The following SPIDR variants were observed in gnomAD, a reference collection of about 807,000 sequenced individuals.
The protein encoded by SPIDR is DNA repair-scaffolding protein.
A neutral mutation model predicts 104.6 loss-of-function variants in SPIDR; 93 were observed. The observed-to-expected ratio is 0.89, with a 90% CI of 0.75 to 1.06. The LOEUF (loss-of-function observed/expected upper bound fraction) is 1.06, where lower values mean the gene tolerates loss of function less well. Among genes scored for constraint, SPIDR ranks in the 50% least tolerant of loss-of-function variants. The probability of loss-of-function intolerance (pLI) is 0.00; values close to 1 mark genes in which losing one functional copy is unlikely to be tolerated. For missense variants in SPIDR, 1,154 were observed against 1,111.2 expected (o/e 1.04, Z -0.55); for synonymous variants, 431 against 416.9 (o/e 1.03, Z -0.41).
At chr8:47,314,167 T>C (rs2044795523) in intron 5 of SPIDR, among the ~76,000 whole-genome samples, 1 of 152,206 alleles carries the variant, frequency 6.6e-6, no homozygotes, top group African/African-American at 2.4e-5. Context: ...GTGGTCTTTA[T>C]TTTATGAAGG....
intron 8 of SPIDR, among the ~76,000 whole-genome samples, chr8:47,575,888 A>G (rs2059056335): frequency 6.6e-6 from 1 of 150,550 alleles, no homozygotes; most frequent in Non-Finnish European, 1.5e-5. Flanking sequence ...TGAACCTGGC[A>G]GGCGGAGGTT....
chr8:47,519,888 A>T, intron 8 of SPIDR, among the ~76,000 whole-genome samples: 1 of 152,382 alleles, frequency 6.6e-6, no homozygotes, highest in African/African-American at 2.4e-5. Flanking sequence ...CATGATCTTT[A>T]AAAATTTTTA....
chr8:47,320,862 A>G (rs1430737996), intron 5 of SPIDR, among the ~76,000 whole-genome samples: 2 of 152,198 alleles, frequency 1.3e-5, no homozygotes, highest in Non-Finnish European at 2.9e-5. Flanking sequence ...GATTATCTCA[A>G]TAGATGCAGA....
intron 8 of SPIDR, chr8:47,528,125 T>A (rs1159177954): frequency 2.6e-5 from 4 of 152,220 alleles, no homozygotes; most frequent in African/African-American, 7.2e-5. Flanking sequence ...TGTAATTTTT[T>A]AAAATAAATC....
chr8:47,713,484 G>A lies in SPIDR; in HGVS notation c.2189-5G>A, dbSNP rs187418762. On this transcript the variant is annotated splice_polypyrimidine_tract_variant and splice_region_variant and intron_variant, in intron 15 of 19. Transcript: ENST00000297423. The stretch of plus-strand genomic sequence containing the variant: ...TTCAATAACCTGAAGTGTCTCTGTC[G>A]GCAGGTCGGATTGTTTGTGCTGAAC... 786 of 1,614,046 alleles carry A rather than the reference G, an allele frequency of 4.9e-4. 5 individuals are homozygous for A. The highest frequency in any genetic ancestry group is 5.7e-5 in the Non-Finnish European group (67 of 1,179,988).
chr8:47,514,047 G>A (rs2082756113), intron 8 of SPIDR, among the ~76,000 whole-genome samples: 1 of 152,246 alleles, frequency 6.6e-6, no homozygotes, highest in Admixed American at 6.5e-5. Context: ...TGCAGAAAAA[G>A]GTCCATGGCA....
At chr8:47,451,157 A>G (rs1554705715) in intron 8 of SPIDR, among the ~76,000 whole-genome samples, 1 of 152,256 alleles carries the variant, frequency 6.6e-6, no homozygotes, top group East Asian at 1.9e-4. Context: ...AAGGGAACCC[A>G]TAGATAAATA....
At chr8:47,713,254 C>A in intron 15 of SPIDR, 1 of 615,204 alleles carries the variant, frequency 1.6e-6, no homozygotes, top group Non-Finnish European at 2.7e-6. Flanking sequence ...AGTCATAATT[C>A]ACATGCCACA....
chr8:47,582,805 C>T (rs1046003627), intron 8 of SPIDR, among the ~76,000 whole-genome samples: 4 of 149,858 alleles, frequency 2.7e-5, no homozygotes, highest in Non-Finnish European at 5.9e-5. Flanking sequence ...TAGCAAGACT[C>T]CATTAAACAA....
intron 14 of SPIDR, among the ~76,000 whole-genome samples, chr8:47,704,690 TTTCTC>T (rs2154485084): frequency 6.6e-6 from 1 of 152,336 alleles, no homozygotes; most frequent in Admixed American, 6.5e-5. Context: ...TTTCCTTTGT[TTTCTC>T]TTCATCTGTT....
At chr8:47,689,569 C>G (rs1387107640) in intron 11 of SPIDR, among the ~76,000 whole-genome samples, 2 of 152,212 alleles carry the variant, frequency 1.3e-5, no homozygotes, top group Non-Finnish European at 2.9e-5. Flanking sequence ...TTAAAGCTCA[C>G]TTTCACATGG....
chr8:47,583,851 C>A (rs558793163), intron 8 of SPIDR, among the ~76,000 whole-genome samples: 86 of 152,202 alleles, frequency 5.7e-4, no homozygotes, highest in Non-Finnish European at 9.6e-4. Context: ...CCTGGGAAGC[C>A]TCCTAGCAGC....
intron 8 of SPIDR, chr8:47,546,992 C>A: frequency 2.0e-6 from 1 of 510,884 alleles, no homozygotes; most frequent in South Asian, 1.6e-5. Flanking sequence ...ATCAAGGGTG[C>A]CTCTCTCTGT....
intron 7 of SPIDR, among the ~76,000 whole-genome samples, chr8:47,415,013 C>G (rs1554674307): frequency 6.6e-6 from 1 of 152,098 alleles, no homozygotes. Flanking sequence ...ACACCATTCT[C>G]CTGCCTCAGC....
intron 8 of SPIDR, among the ~76,000 whole-genome samples, chr8:47,566,829 A>G (rs1375461359): frequency 6.6e-6 from 1 of 152,152 alleles, no homozygotes. Context: ...GGCCTTGAAT[A>G]TCACTTTAAA....
chr8:47,532,674 A>G (rs778591933), intron 8 of SPIDR, among the ~76,000 whole-genome samples: 4 of 152,198 alleles, frequency 2.6e-5, no homozygotes, highest in Non-Finnish European at 2.9e-5. Context: ...AACAGACAAA[A>G]CCACTATTAC....
intron 7 of SPIDR, among the ~76,000 whole-genome samples, chr8:47,422,731 C>T (rs544761470): frequency 1.1e-4 from 16 of 152,306 alleles, no homozygotes; most frequent in Non-Finnish European, 5.9e-5. Context: ...GGAGCTGTTC[C>T]TGTTGGGCCA....
intron 8 of SPIDR, among the ~76,000 whole-genome samples, chr8:47,443,132 T>C (rs1484657017): frequency 6.6e-6 from 1 of 152,202 alleles, no homozygotes; most frequent in Non-Finnish European, 1.5e-5. Flanking sequence ...CCTTAGACTT[T>C]ACAAGTAAAT....
chr8:47,342,138 G>C (rs2050872473), intron 5 of SPIDR, among the ~76,000 whole-genome samples: 1 of 151,996 alleles, frequency 6.6e-6, no homozygotes, highest in Non-Finnish European at 1.5e-5. Flanking sequence ...GTCTAGTTTG[G>C]GAGACATTTC....
Sources: allele counts gnomAD v4.1 joint callset (sites outside exome capture counted in the v4.1 genomes callset), GRCh38; gene constraint gnomAD v4.1.1; transcripts MANE v1.5; gene names NCBI Gene and HGNC (gene_info 2026-07-23, HGNC 2026-07-21).